Variants in SLC43A2 observed in about 807,000 individuals in gnomAD.
SLC43A2 encodes the protein solute carrier family 43 member 2.
In SLC43A2, 38 loss-of-function variants were observed where a neutral mutation model predicts 63.2. The observed-to-expected ratio is 0.60, with a 90% CI of 0.46 to 0.79. SLC43A2 has a LOEUF of 0.79. SLC43A2 is among the 30% of genes least tolerant of loss of function. The pLI, the probability that SLC43A2 is intolerant of heterozygous loss-of-function variation, is 0.00. For synonymous variants in SLC43A2, 322 were observed against 331.0 expected, an observed-to-expected ratio of 0.97 and a Z score of 0.30; for missense variants, 644 against 756.2, an observed-to-expected ratio of 0.85 and a Z score of 1.74.
At chr17:1,618,243 A>C (rs1455097118) in intron 2 of SLC43A2, among the ~76,000 whole-genome samples, 2 of 152,224 alleles carry the variant, frequency 1.3e-5, no homozygotes, top group Non-Finnish European at 2.9e-5. Flanking sequence ...TCTAGCTTCC[A>C]GTGTTTGATT....
rs1028092469 is a variant in SLC43A2, at chr17:1,623,729, T to G, written c.160+3986A>C. Among the ~76,000 whole-genome samples, 7 of 125,440 alleles carry G rather than the reference T, an allele frequency of 5.6e-5. 1 individual carries two copies. The highest frequency in any genetic ancestry group is 2.3e-4 in the Admixed American group (3 of 12,944). The allele number at this position is 125,440 out of a possible 152,430, so 82.3% of individuals were successfully genotyped here. On this transcript the variant is annotated intron_variant, in intron 2 of 13. Coordinates refer to ENST00000301335, the MANE Select transcript of SLC43A2 (RefSeq NM_152346.3). Reference sequence around the variant, plus strand: ...GGCTGTACCCTCCTCTCCTCCAGGCTGTACCCTCCTCTCCTCCAGGCTGTA... The same window carrying G: ...GGCTGTACCCTCCTCTCCTCCAGGCGGTACCCTCCTCTCCTCCAGGCTGTA...
In SLC43A2 at chr17:1,577,536, G is replaced by C. The variant is rs2075953426; in HGVS notation, c.1424+714C>G. ...GGGCTGTTGCGGGAATTGGGAGAGAGTTCCGGGCTAAATCTTAGCACATGT... is the reference window on the plus strand; with the variant it reads ...GGGCTGTTGCGGGAATTGGGAGAGACTTCCGGGCTAAATCTTAGCACATGT... On this transcript the variant is annotated intron_variant, in intron 12 of 13. Coordinates refer to ENST00000301335, the MANE Select transcript of SLC43A2 (RefSeq NM_152346.3). This position sits in a 1 kb window ranked among gnomAD's most constrained non-coding sequence, Gnocchi z 4.9. 6.6e-6 allele frequency among the ~76,000 whole-genome samples: 1 copy of C among 152,190 alleles called. No individual in the cohort carries two copies. Among genetic ancestry groups the C allele is most frequent in the Non-Finnish European group, 1.5e-5 (1 of 68,030 alleles).
In SLC43A2 at chr17:1,616,743, C is replaced by T. The variant is rs183909980; in HGVS notation, c.187G>A (p.Gly63Ser). ...TCCTCGTGCCCCGGCTCTGCTGTGC[C>T]GCCCACTGTGCCATTGGTGACATTC... ...PENVTNGTVGGTAEPGHEEVS... is the reference protein window; with the variant it reads ...PENVTNGTVGSTAEPGHEEVS... Residue 63 changes from glycine to serine, a missense_variant, in exon 3 of 14, where the codon GGC (glycine) becomes AGC (serine). Gly to Ser is a moderately conservative substitution (Grantham distance 56, BLOSUM62 0). Coordinates refer to ENST00000301335, the MANE Select transcript of SLC43A2 (RefSeq NM_152346.3). The T allele has an allele frequency of 7.4e-6, 12 of 1,614,038 alleles. No homozygotes were observed. The highest frequency in any genetic ancestry group is 3.3e-5 in the South Asian group (3 of 91,082).
At chr17:1,600,100 C>G (rs1332656487) in intron 5 of SLC43A2, among the ~76,000 whole-genome samples, 4 of 88,966 alleles carry the variant, frequency 4.5e-5, no homozygotes, top group Non-Finnish European at 8.6e-5. Flanking sequence ...GTTAATCTTT[C>G]TTTTTTTTTT....
At position 1,606,159 on chromosome 17, in the gene SLC43A2, C is replaced by G. The variant is rs570579858; in HGVS notation, c.501+7036G>C. On this transcript the variant is annotated intron_variant, in intron 5 of 13. Coordinates refer to ENST00000301335, the MANE Select transcript of SLC43A2 (RefSeq NM_152346.3). The surrounding 1 kb of genome is among the most constrained non-coding windows in gnomAD (Gnocchi z 4.7). ...CTCCAGAGCTGGCCGGGGGCCACCG[C>G]GGGACCCTCTCCTGGACCCTCCAGA... 6.6e-6 allele frequency among the ~76,000 whole-genome samples: 1 copy of G among 151,338 alleles called. No individual in the cohort carries two copies. Among genetic ancestry groups the G allele is most frequent in the Admixed American group, 6.6e-5 (1 of 15,238 alleles).
Position 1,616,707 on chromosome 17 carries a change from T to A in SLC43A2, c.223A>T (p.Met75Leu). 6.2e-7 allele frequency: 1 copy of A among 1,614,146 alleles called. No individual in the cohort carries two copies. The highest frequency in any genetic ancestry group is 2.2e-5 in the East Asian group (1 of 44,886). Residue 75 changes from methionine to leucine, a missense_variant, in exon 3 of 14, where the codon ATG (methionine) becomes TTG (leucine). By Grantham distance (15) the Met-to-Leu change is conservative (BLOSUM62 2). Transcript: ENST00000301335. ...AEPGHEEVSWMNGWLSCQAQD... is the reference protein window; with the variant it reads ...AEPGHEEVSWLNGWLSCQAQD... ...GCCTGGCAGCTGAGCCAGCCGTTCA[T>A]CCAGCTCACCTCCTCGTGCCCCGGC...
chr17:1,586,629 G>GT lies in SLC43A2; in HGVS notation c.1079-579dup, dbSNP rs1355287716. Among the ~76,000 whole-genome samples, 6 of 152,172 alleles carry GT rather than the reference G, an allele frequency of 3.9e-5. 1 individual carries two copies. The highest frequency in any genetic ancestry group is 3.3e-4 in the Admixed American group (5 of 15,288). Reference sequence around the variant, plus strand: ...AATCACTTGAACCCGGGAGGTGAAGGTTGCAGTGAGCCAAGATCATGCCTC... The same window carrying GT: ...AATCACTTGAACCCGGGAGGTGAAGGTTTGCAGTGAGCCAAGATCATGCCTC... On this transcript the variant is annotated intron_variant, in intron 9 of 13. Transcript: ENST00000301335.
chr17:1,587,679 C>G (rs116292333), intron 9 of SLC43A2, among the ~76,000 whole-genome samples: 13,071 of 151,670 alleles, frequency 0.086, 728 homozygotes, highest in East Asian at 0.17. Context: ...TCACTCCAGG[C>G]CTCGTTTTTC....
chr17:1,592,724 C>T (rs1385578300), intron 6 of SLC43A2, among the ~76,000 whole-genome samples: 2 of 152,208 alleles, frequency 1.3e-5, no homozygotes, highest in South Asian at 2.1e-4. Context: ...GTGTTTGCTT[C>T]GTCCTGACCC....
rs561934109 is a variant in SLC43A2, at chr17:1,578,011, C to A, written c.1424+239G>T. Among the ~76,000 whole-genome samples, 1 of 152,230 alleles carries A rather than the reference C, an allele frequency of 6.6e-6. No individual in the cohort carries two copies. On this transcript the variant is annotated intron_variant, in intron 12 of 13. Coordinates refer to ENST00000301335, the MANE Select transcript of SLC43A2 (RefSeq NM_152346.3). This position sits in a 1 kb window ranked among gnomAD's most constrained non-coding sequence, Gnocchi z 6.5. ...TGACCCTGGCTGGGGGAACTGACTT[C>A]GTGTTGAATGCCAAGGCTTGTGAGC...
chr17:1,604,861 C>G (rs538424364), intron 5 of SLC43A2: 7 of 1,535,660 alleles, frequency 4.6e-6, no homozygotes, highest in East Asian at 2.4e-5. Flanking sequence ...CACATTCCCC[C>G]TCTCGCTCAC....
intron 5 of SLC43A2, among the ~76,000 whole-genome samples, chr17:1,612,911 G>A (rs1194674106): frequency 6.6e-6 from 1 of 152,046 alleles, no homozygotes; most frequent in Admixed American, 6.6e-5. Flanking sequence ...CGCGGAGGTT[G>A]CAGTGAGCCG....
chr17:1,594,646 GGCTCT>G lies in SLC43A2; in HGVS notation c.502-1372_502-1368del, dbSNP rs1258132043. On this transcript the variant is annotated intron_variant, in intron 5 of 13. Transcript: ENST00000301335. ...TCTTTCGCCCAGGCTGTACTGCAGT[GGCTCT>G]ATCTCGGCTCACTGCAAGCTCCGCC... Among the ~76,000 whole-genome samples, 10 of 140,880 alleles carry G rather than the reference GGCTCT, an allele frequency of 7.1e-5. No individual in the cohort carries two copies. In the South Asian group the frequency reaches 7.2e-4, roughly 10 times the overall value. 92.4% of individuals were successfully genotyped at this position (140,880 alleles called of 152,430 possible). A position where few individuals can be genotyped will look rare whatever the true frequency, so the allele number is the denominator to read the frequency against.
In SLC43A2 at chr17:1,593,141, G is replaced by A. The variant is rs1904979709; in HGVS notation, c.594+46C>T. ...TCTTCAGAGAGGGTGGAAGGAGCCT[G>A]GAGCAGGCCTCTGCACAGACACCAG... On this transcript the variant is annotated intron_variant, in intron 6 of 13. Transcript: ENST00000301335. This position sits in a 1 kb window ranked among gnomAD's most constrained non-coding sequence, Gnocchi z 5.3. 1.3e-6 allele frequency: 2 copies of A among 1,572,690 alleles called. No homozygotes were observed. Among genetic ancestry groups the A allele is most frequent in the East Asian group, 2.3e-5 (1 of 44,410 alleles).
chr17:1,576,642 C>A lies in SLC43A2; in HGVS notation c.1503G>T (p.Pro501=). The part of the protein sequence containing the change: ...ISALFALLQQ[P]LFLAMMGPLQ... ...GAGGACCCATCATGGCCAGAAACAG[C>A]GGCTGCTGCAGAAGGGCGAAGAGCG... is the stretch of plus-strand genomic sequence containing the variant. Residue 501 remains proline, a synonymous_variant, in exon 13 of 14, where the codon CCG becomes CCT. Coordinates refer to ENST00000301335, the MANE Select transcript of SLC43A2 (RefSeq NM_152346.3). 6.2e-7 allele frequency: 1 copy of A among 1,610,464 alleles called. No individual in the cohort carries two copies. The highest frequency in any genetic ancestry group is 8.5e-7 in the Non-Finnish European group (1 of 1,179,936).
rs548877060 is a variant in SLC43A2, at chr17:1,587,825, G to T, written c.1079-1774C>A. 2.0e-5 allele frequency among the ~76,000 whole-genome samples: 3 copies of T among 152,350 alleles called. No individual in the cohort carries two copies. The South Asian group carries it at 6.2e-4, about 32-fold the overall frequency. Reference sequence around the variant, plus strand: ...ACCTGTCAACTCTTACAAAGGGAGGGTAGGACAGGTGGCCCCTGACTAGGG... The same window carrying T: ...ACCTGTCAACTCTTACAAAGGGAGGTTAGGACAGGTGGCCCCTGACTAGGG... On this transcript the variant is annotated intron_variant, in intron 9 of 13. Transcript: ENST00000301335.
intron 2 of SLC43A2, among the ~76,000 whole-genome samples, chr17:1,624,483 A>G (rs1386442607): frequency 2.0e-5 from 3 of 151,774 alleles, no homozygotes; most frequent in Non-Finnish European, 4.4e-5. Context: ...CGGGTGGATC[A>G]CCTGAGGTCA....
rs1451807369 is a variant in SLC43A2 at position 1,627,703 on chromosome 17, C to A, written c.160+12G>T. The A allele has an allele frequency of 1.4e-6, 2 of 1,412,276 alleles. No individual in the cohort carries two copies. The highest frequency in any genetic ancestry group is 4.6e-5 in the Admixed American group (2 of 43,498). The allele number at this position is 1,412,276 out of a possible 1,614,324, so 87.5% of individuals were successfully genotyped here. Reference sequence around the variant, plus strand: ...TCCAGGAGCCCCCCGCAACCCCAGGCGCTTGTCTCACCTGGCTCGGTACAC... The same window carrying A: ...TCCAGGAGCCCCCCGCAACCCCAGGAGCTTGTCTCACCTGGCTCGGTACAC... On this transcript the variant is annotated intron_variant, in intron 2 of 13. Transcript: ENST00000301335.
At chr17:1,584,898 T>C (rs934359468) in intron 10 of SLC43A2, among the ~76,000 whole-genome samples, 3 of 152,134 alleles carry the variant, frequency 2.0e-5, no homozygotes, top group African/African-American at 4.8e-5. Flanking sequence ...TTACATAAAG[T>C]AGGACTCCAG....
Sources: allele counts gnomAD v4.1 joint callset (sites outside exome capture counted in the v4.1 genomes callset), GRCh38; gene constraint gnomAD v4.1.1; non-coding constraint Gnocchi (gnomAD v3.1); transcripts MANE v1.5; gene names NCBI Gene and HGNC (gene_info 2026-07-23, HGNC 2026-07-21).